Variants in GPC6 observed in about 807,000 individuals in gnomAD.
GPC6 encodes glypican-6.
A neutral mutation model predicts 55.2 loss-of-function variants in GPC6; 14 were observed. The ratio of observed to expected loss-of-function variants is 0.25; its 90% CI spans 0.17 to 0.40. The LOEUF (loss-of-function observed/expected upper bound fraction) is 0.40, where lower values mean the gene tolerates loss of function less well. Among genes scored for constraint, GPC6 ranks in the 10% least tolerant of loss-of-function variants. The pLI, the probability that GPC6 is intolerant of heterozygous loss-of-function variation, is 1.00. For synonymous variants in GPC6, 278 were observed against 259.6 expected, an observed-to-expected ratio of 1.07 and a Z score of -0.68; for missense variants, 641 against 708.5, an observed-to-expected ratio of 0.90 and a Z score of 1.08.
chr13:94,099,201 T>A (rs1304256689), intron 4 of GPC6, among the ~76,000 whole-genome samples: 1 of 152,208 alleles, frequency 6.6e-6, no homozygotes, highest in Non-Finnish European at 1.5e-5. Context: ...TATTTTCCTA[T>A]GATTTCCAAA....
At chr13:94,189,984 G>A (rs1445236991) in intron 4 of GPC6, among the ~76,000 whole-genome samples, 3 of 149,446 alleles carry the variant, frequency 2.0e-5, no homozygotes, top group Non-Finnish European at 4.4e-5. Context: ...TCACGCCACT[G>A]CACCCCAGCC....
At chr13:94,036,739 C>T (rs538485714) in intron 4 of GPC6, among the ~76,000 whole-genome samples, 2 of 152,074 alleles carry the variant, frequency 1.3e-5, no homozygotes, top group East Asian at 3.9e-4. Context: ...TCTCCTACCT[C>T]AGCGCTACAT....
At chr13:93,318,958 A>G (rs1453511525) in intron 1 of GPC6, among the ~76,000 whole-genome samples, 1 of 152,106 alleles carries the variant, frequency 6.6e-6, no homozygotes, top group Non-Finnish European at 1.5e-5. Flanking sequence ...TATTCTATGG[A>G]GACATTGAAC....
chr13:93,950,707 C>A (rs1879215892), intron 3 of GPC6, among the ~76,000 whole-genome samples: 1 of 152,066 alleles, frequency 6.6e-6, no homozygotes, highest in Admixed American at 6.6e-5. Flanking sequence ...ATGATTCTGG[C>A]TTTATCGTGG....
At chr13:93,853,970 T>C (rs2139016383) in intron 3 of GPC6, among the ~76,000 whole-genome samples, 1 of 151,824 alleles carries the variant, frequency 6.6e-6, no homozygotes, top group Middle Eastern at 3.4e-3. Flanking sequence ...GCTTTAGCCT[T>C]TTCCATAAAT....
At chr13:94,282,207 T>C (rs942079554) in intron 4 of GPC6, among the ~76,000 whole-genome samples, 1 of 152,096 alleles carries the variant, frequency 6.6e-6, no homozygotes, top group Non-Finnish European at 1.5e-5. Flanking sequence ...GGGTAATTTA[T>C]AAAGGAAAGA....
intron 3 of GPC6, among the ~76,000 whole-genome samples, chr13:94,004,063 G>A (rs866085014): frequency 6.6e-6 from 1 of 152,074 alleles, no homozygotes; most frequent in Non-Finnish European, 1.5e-5. Flanking sequence ...ATGTAACTTA[G>A]CATTTCATTG....
chr13:93,272,427 G>A (rs1256020681), intron 1 of GPC6, among the ~76,000 whole-genome samples: 1 of 149,930 alleles, frequency 6.7e-6, no homozygotes, highest in Non-Finnish European at 1.5e-5. Flanking sequence ...ACCAATGAAT[G>A]TGAAAAATTT....
chr13:94,328,609 C>A (rs1877246440), intron 6 of GPC6, among the ~76,000 whole-genome samples: 1 of 152,240 alleles, frequency 6.6e-6, no homozygotes. Context: ...CATCCACAGC[C>A]AGCAGCATGG....
At chr13:94,177,096 G>A (rs1345925349) in intron 4 of GPC6, among the ~76,000 whole-genome samples, 1 of 152,146 alleles carries the variant, frequency 6.6e-6, no homozygotes, top group African/African-American at 2.4e-5. Flanking sequence ...CCTTGAGGAA[G>A]AAGTTATCAA....
intron 3 of GPC6, among the ~76,000 whole-genome samples, chr13:93,955,540 C>A (rs1879472006): frequency 6.6e-6 from 1 of 152,122 alleles, no homozygotes; most frequent in Admixed American, 6.5e-5. Flanking sequence ...CTACTCATTG[C>A]TTTTCTGCCC....
At chr13:94,128,107 A>G (rs567611578) in intron 4 of GPC6, among the ~76,000 whole-genome samples, 1 of 152,282 alleles carries the variant, frequency 6.6e-6, no homozygotes, top group South Asian at 2.1e-4. Context: ...AAATATTAGA[A>G]TTTATCTTCT....
At chr13:93,662,256 A>T (rs1370288363) in intron 2 of GPC6, among the ~76,000 whole-genome samples, 1 of 152,214 alleles carries the variant, frequency 6.6e-6, no homozygotes, top group East Asian at 1.9e-4. Context: ...ACTCGGGCTA[A>T]TGTGTTATCA....
At position 93,476,927 on chromosome 13, in the gene GPC6, A is replaced by G. The variant is rs530076590; in HGVS notation, c.161-68336A>G. Among the ~76,000 whole-genome samples, 7 of 152,284 alleles carry G rather than the reference A, an allele frequency of 4.6e-5. No homozygotes were observed. The South Asian group carries it at 1.4e-3, about 32-fold the overall frequency. On this transcript the variant is annotated intron_variant, in intron 1 of 8. Transcript: ENST00000377047. ...ATTTAGGGAAAATTTTAGAATTTAA[A>G]CATTTTCCTGTTAACATTATGTTAT...
intron 4 of GPC6, among the ~76,000 whole-genome samples, chr13:94,235,895 G>GGTCA (rs1340726191): frequency 6.6e-6 from 1 of 152,074 alleles, no homozygotes; most frequent in Non-Finnish European, 1.5e-5. Flanking sequence ...ACACCTTTGA[G>GGTCA]GTCACCTTGT....
chr13:94,014,190 G>A (rs1487330354), intron 3 of GPC6, among the ~76,000 whole-genome samples: 2 of 152,116 alleles, frequency 1.3e-5, no homozygotes, highest in Non-Finnish European at 2.9e-5. Flanking sequence ...GAATTAGAAG[G>A]CCCCAAGGTT....
At chr13:93,838,573 A>G (rs1887829253) in intron 3 of GPC6, among the ~76,000 whole-genome samples, 1 of 152,204 alleles carries the variant, frequency 6.6e-6, no homozygotes, top group Non-Finnish European at 1.5e-5. Flanking sequence ...ACCACCAGCT[A>G]AGATTTTTTA....
intron 1 of GPC6, among the ~76,000 whole-genome samples, chr13:93,469,024 A>T (rs1351573557): frequency 6.6e-6 from 1 of 152,138 alleles, no homozygotes; most frequent in Non-Finnish European, 1.5e-5. Flanking sequence ...CACCAGTGTA[A>T]TTAAGATCAT....
intron 3 of GPC6, among the ~76,000 whole-genome samples, chr13:93,863,130 C>A (rs1050990769): frequency 1.3e-5 from 2 of 151,690 alleles, no homozygotes; most frequent in African/African-American, 4.8e-5. Context: ...CTAGAGACAA[C>A]CAAACAGTAA....
Sources: gnomAD v4.1 joint callset for allele counts (sites outside exome capture counted in the v4.1 genomes callset) on GRCh38, gnomAD v4.1.1 for gene constraint, MANE v1.5 for transcripts, NCBI Gene and HGNC (gene_info 2026-07-23, HGNC 2026-07-21) for gene names.